Variants in MACROD1 observed in about 807,000 individuals in gnomAD.
The protein encoded by MACROD1 is ADP-ribose glycohydrolase MACROD1.
A neutral mutation model predicts 41.4 loss-of-function variants in MACROD1; 31 were observed. That is an observed-to-expected ratio of 0.75 (90% CI 0.56 to 1.01). MACROD1 has a LOEUF of 1.01. MACROD1 is among the 50% of genes least tolerant of loss of function. The pLI is 0.00. For synonymous variants in MACROD1, 252 were observed against 203.4 expected, an observed-to-expected ratio of 1.24 and a Z score of -2.03; for missense variants, 473 against 460.0, an observed-to-expected ratio of 1.03 and a Z score of -0.26.
rs974943524 is a variant in MACROD1, at chr11:64,014,392, C to T, written c.547+860G>A. Among the ~76,000 whole-genome samples the T allele has an allele frequency of 3.9e-5, 6 of 152,374 alleles. No individual in the cohort carries two copies. In the East Asian group the frequency reaches 5.8e-4, roughly 15 times the overall value. ...CTGCATCCTGGCTGGTCACCGACAG[C>T]TCTTAATGCTGCTCTTATTTATTCC... On this transcript the variant is annotated intron_variant, in intron 4 of 10. Coordinates refer to ENST00000255681, the MANE Select transcript of MACROD1 (RefSeq NM_014067.4).
chr11:64,049,398 G>A (rs909953277), intron 3 of MACROD1, among the ~76,000 whole-genome samples: 1 of 152,182 alleles, frequency 6.6e-6, no homozygotes, highest in Non-Finnish European at 1.5e-5. Flanking sequence ...AGGTCAGCAG[G>A]CCCCCTGAGC....
intron 3 of MACROD1, among the ~76,000 whole-genome samples, chr11:64,144,717 G>C (rs734762): frequency 0.11 from 16,728 of 152,326 alleles, 1,168 homozygotes; most frequent in Non-Finnish European, 0.16. Context: ...CTGCTGTACA[G>C]CCAGCCCTGG....
intron 3 of MACROD1, among the ~76,000 whole-genome samples, chr11:64,102,683 A>G (rs950132752): frequency 3.3e-5 from 5 of 152,214 alleles, no homozygotes; most frequent in South Asian, 4.1e-4. Flanking sequence ...GGCACCATGC[A>G]TGGCCAATTG....
chr11:64,079,574 G>A (rs950477904), intron 3 of MACROD1, among the ~76,000 whole-genome samples: 27 of 152,320 alleles, frequency 1.8e-4, no homozygotes, highest in Non-Finnish European at 3.8e-4. Flanking sequence ...GGCACAGAGA[G>A]GAGTCCAGGG....
At chr11:64,099,680 AG>A (rs1361058533) in intron 3 of MACROD1, among the ~76,000 whole-genome samples, 1 of 151,680 alleles carries the variant, frequency 6.6e-6, no homozygotes, top group Non-Finnish European at 1.5e-5. Context: ...AGATTGATGG[AG>A]GGATGGATGG....
intron 1 of MACROD1, among the ~76,000 whole-genome samples, chr11:64,159,107 G>T (rs1590981272): frequency 6.6e-6 from 1 of 151,956 alleles, no homozygotes; most frequent in African/African-American, 2.4e-5. Flanking sequence ...GGATCACGAG[G>T]TCAGGAGTTC....
chr11:64,007,775 A>G (rs1424518495), intron 4 of MACROD1, among the ~76,000 whole-genome samples: 1 of 152,008 alleles, frequency 6.6e-6, no homozygotes, highest in Non-Finnish European at 1.5e-5. Context: ...CCCTGCACAC[A>G]CAACACCCAC....
chr11:64,076,770 T>C (rs1944209466), intron 3 of MACROD1, among the ~76,000 whole-genome samples: 1 of 152,166 alleles, frequency 6.6e-6, no homozygotes, highest in African/African-American at 2.4e-5. Context: ...TTGGCAGAGC[T>C]AGCTAAGGTG....
chr11:64,016,193 G>T (rs1230983206), intron 3 of MACROD1, among the ~76,000 whole-genome samples: 1 of 152,246 alleles, frequency 6.6e-6, no homozygotes, highest in Non-Finnish European at 1.5e-5. Context: ...AGCTGACACG[G>T]GGGCAAAGTG....
In MACROD1 at chr11:64,008,994, T is replaced by A. The variant is rs1484767295; in HGVS notation, c.547+6258A>T. Reference sequence around the variant, plus strand: ...TAAAGCTTGGCCGTGGCAGGCGCAGTCATGATTTAGATGAATAATTGAAAC... The same window carrying A: ...TAAAGCTTGGCCGTGGCAGGCGCAGACATGATTTAGATGAATAATTGAAAC... On this transcript the variant is annotated intron_variant, in intron 4 of 10. Transcript: ENST00000255681. The A allele has an allele frequency of 3.3e-5, 5 of 152,256 alleles. No individual in the cohort carries two copies. In the East Asian group the frequency reaches 7.7e-4, roughly 24 times the overall value. The allele number at this position is 152,256 out of a possible 1,614,324, so 9.4% of individuals were successfully genotyped here.
chr11:64,122,468 C>G lies in MACROD1; in HGVS notation c.517+28771G>C, dbSNP rs1372503967. On this transcript the variant is annotated intron_variant, in intron 3 of 10. Transcript: ENST00000255681. The surrounding 1 kb of genome is among the most constrained non-coding windows in gnomAD (Gnocchi z 4.0). ...CCCAAAGCCCACACCTGCCGTGTGCCTCTTCTCCCTCCCTCTACACAGGCA... is the reference window on the plus strand; with the variant it reads ...CCCAAAGCCCACACCTGCCGTGTGCGTCTTCTCCCTCCCTCTACACAGGCA... Among the ~76,000 whole-genome samples, 1 of 151,476 alleles carries G rather than the reference C, an allele frequency of 6.6e-6. No homozygotes were observed.
intron 3 of MACROD1, among the ~76,000 whole-genome samples, chr11:64,142,542 C>T (rs1218603782): frequency 6.6e-6 from 1 of 152,190 alleles, no homozygotes; most frequent in African/African-American, 2.4e-5. Flanking sequence ...TGCCGCCCCC[C>T]AGCCAATGCT....
At chr11:64,078,352 C>T (rs1472052019) in intron 3 of MACROD1, among the ~76,000 whole-genome samples, 1 of 152,238 alleles carries the variant, frequency 6.6e-6, no homozygotes, top group Non-Finnish European at 1.5e-5. Context: ...CAGTCCCTGG[C>T]CCGTCTGCGT....
chr11:63,998,727 C>G, intron 10 of MACROD1, 40 bp from the exon 11 acceptor site: 1 of 1,413,098 alleles, frequency 7.1e-7, no homozygotes, highest in Non-Finnish European at 9.2e-7. Context: ...ATGGGCGTCC[C>G]CGACCTCCCA....
chr11:64,069,388 G>A (rs541419910), intron 3 of MACROD1, among the ~76,000 whole-genome samples: 2 of 152,324 alleles, frequency 1.3e-5, no homozygotes, highest in Non-Finnish European at 2.9e-5. Flanking sequence ...AAAGCCCCAG[G>A]AGCCAGACCT....
At position 64,165,974 on chromosome 11, in the gene MACROD1, C is replaced by A. The variant is rs994741585; in HGVS notation, c.21G>T (p.Leu7=). MSLQSR[L]SGRLAQLRAA... Reference sequence around the variant, plus strand: ...CGCGCAGCTGTGCCAGGCGGCCGGACAGTCGGCTCTGTAGAGACATGAGCG... The same window carrying A: ...CGCGCAGCTGTGCCAGGCGGCCGGAAAGTCGGCTCTGTAGAGACATGAGCG... The change falls in exon 1 of 11, where the codon CTG becomes CTT. Residue 7 remains leucine (L), a synonymous_variant. Transcript: ENST00000255681. 4.6e-6 allele frequency: 6 copies of A among 1,294,376 alleles called. No individual in the cohort carries two copies. Among genetic ancestry groups the A allele is most frequent in the Non-Finnish European group, 5.8e-6 (6 of 1,027,554 alleles). 80.2% of individuals were successfully genotyped at this position (1,294,376 alleles called of 1,614,324 possible).
intron 3 of MACROD1, among the ~76,000 whole-genome samples, chr11:64,043,092 C>T (rs879722080): frequency 3.3e-5 from 5 of 152,228 alleles, no homozygotes; most frequent in Admixed American, 6.5e-5. Context: ...GGACGCCTCA[C>T]GTCCCCTCTC....
intron 4 of MACROD1, chr11:64,001,039 G>T: frequency 4.6e-6 from 1 of 217,448 alleles, no homozygotes; most frequent in Non-Finnish European, 9.2e-6. Context: ...GCTTAATTAC[G>T]GCCCCGCATG....
At chr11:64,042,185 C>T (rs1023180925) in intron 3 of MACROD1, among the ~76,000 whole-genome samples, 1 of 152,182 alleles carries the variant, frequency 6.6e-6, no homozygotes, top group African/African-American at 2.4e-5. Context: ...TGCACACACT[C>T]TTGCACACAC....
Sources: gnomAD v4.1 joint callset for allele counts (sites outside exome capture counted in the v4.1 genomes callset) on GRCh38, gnomAD v4.1.1 for gene constraint, Gnocchi (gnomAD v3.1) non-coding constraint, MANE v1.5 for transcripts, NCBI Gene and HGNC (gene_info 2026-07-23, HGNC 2026-07-21) for gene names.